The following CSNK2A1 variants were observed in gnomAD, a reference collection of about 807,000 sequenced individuals.
The protein encoded by CSNK2A1 is casein kinase II subunit alpha.
A neutral mutation model predicts 62.9 loss-of-function variants in CSNK2A1; 10 were observed. The observed-to-expected ratio is 0.16, with a 90% CI of 0.10 to 0.27. The LOEUF is 0.27. CSNK2A1 is among the 10% of genes least tolerant of loss of function. CSNK2A1 has a pLI of 1.00. For synonymous variants in CSNK2A1, 124 were observed against 167.8 expected (o/e 0.74, Z 2.02); for missense variants, 160 against 492.0 (o/e 0.33, Z 6.38).
chr20:477,856 T>C lies in CSNK2A1; in HGVS notation c.*6105A>G, dbSNP rs1276249646. 1 of 151,564 alleles carries C rather than the reference T, an allele frequency of 6.6e-6. No individual in the cohort carries two copies. Among genetic ancestry groups the C allele is most frequent in the Admixed American group, 6.6e-5 (1 of 15,262 alleles). 9.4% of individuals were successfully genotyped at this position (151,564 alleles called of 1,614,324 possible). A position where few individuals can be genotyped will look rare whatever the true frequency, so the allele number is the denominator to read the frequency against. The stretch of plus-strand genomic sequence containing the variant: ...AAAATACAAAATTAGCTGGGCGTGG[T>C]GGTGCATGTAATCCCATGCCTGTCT... On this transcript the variant is annotated 3_prime_UTR_variant, in exon 14 of 14. Coordinates refer to ENST00000217244, the MANE Select transcript of CSNK2A1 (RefSeq NM_177559.3).
intron 3 of CSNK2A1, chr20:506,011 G>T (rs1326687661): frequency 6.6e-6 from 1 of 151,682 alleles, no homozygotes; most frequent in Non-Finnish European, 1.5e-5. Context: ...TAGTAGCTGG[G>T]ACTACAGGCG....
rs1600359457 is a variant in CSNK2A1, at chr20:478,671, C to G, written c.*5290G>C. On this transcript the variant is annotated 3_prime_UTR_variant, in exon 14 of 14. Coordinates refer to ENST00000217244, the MANE Select transcript of CSNK2A1 (RefSeq NM_177559.3). The stretch of plus-strand genomic sequence containing the variant: ...GGGCCAGGTGTGGTGGCTCATGCCT[C>G]TAATCTCAGCACTTTGGGAGGCCAA... 2.3e-6 allele frequency: 1 copy of G among 428,638 alleles called. No individual in the cohort carries two copies. Among genetic ancestry groups the G allele is most frequent in the Non-Finnish European group, 4.6e-6 (1 of 215,432 alleles). 26.6% of individuals were successfully genotyped at this position (428,638 alleles called of 1,614,324 possible).
intron 1 of CSNK2A1, chr20:539,661 G>A (rs184791205): frequency 1.3e-5 from 2 of 152,256 alleles, no homozygotes; most frequent in East Asian, 3.9e-4. Context: ...TCGTAGGGGA[G>A]CCATTCTGCT....
In CSNK2A1 at chr20:482,256, C is replaced by G. The variant is rs553410013; in HGVS notation, c.*1705G>C. 1 of 152,260 alleles carries G rather than the reference C, an allele frequency of 6.6e-6. No homozygotes were observed. The highest frequency in any genetic ancestry group is 2.1e-4 in the South Asian group (1 of 4,828). The allele number at this position is 152,260 out of a possible 1,614,324, so 9.4% of individuals were successfully genotyped here. A position where few individuals can be genotyped will look rare whatever the true frequency, so the allele number is the denominator to read the frequency against. Reference sequence around the variant, plus strand: ...CTTAAAATATGTTGGAAGAATTTTTCCTAGTTCCCACAAGCAGCTACTGTA... The same window carrying G: ...CTTAAAATATGTTGGAAGAATTTTTGCTAGTTCCCACAAGCAGCTACTGTA... On this transcript the variant is annotated 3_prime_UTR_variant, in exon 14 of 14. Coordinates refer to ENST00000217244, the MANE Select transcript of CSNK2A1 (RefSeq NM_177559.3).
intron 1 of CSNK2A1, among the ~76,000 whole-genome samples, chr20:541,492 A>C (rs991827846): frequency 1.3e-5 from 2 of 152,238 alleles, no homozygotes; most frequent in Non-Finnish European, 2.9e-5. Context: ...TAAAGTATAT[A>C]TACATACATA....
chr20:508,855 A>G (rs557618088), intron 2 of CSNK2A1, among the ~76,000 whole-genome samples, 195 bp from the exon 3 acceptor site: 1 of 152,262 alleles, frequency 6.6e-6, no homozygotes, highest in South Asian at 2.1e-4. Flanking sequence ...CAGTAAACTG[A>G]TATTTGCTTT....
chr20:489,584 A>G, intron 10 of CSNK2A1, 196 bp downstream of exon 10: 2 of 446,774 alleles, frequency 4.5e-6, no homozygotes, highest in Non-Finnish European at 7.9e-6. Context: ...ATTCTTCACA[A>G]TAAAATAAGC....
intron 2 of CSNK2A1, among the ~76,000 whole-genome samples, chr20:517,172 GA>G (rs1342366174): frequency 2.6e-5 from 4 of 152,222 alleles, no homozygotes; most frequent in African/African-American, 9.6e-5. Context: ...GAAGCAAAGA[GA>G]AAAATTCAGT....
At chr20:484,945 T>C (rs1172541586) in intron 13 of CSNK2A1, among the ~76,000 whole-genome samples, 1 of 148,602 alleles carries the variant, frequency 6.7e-6, no homozygotes, top group African/African-American at 2.5e-5. Context: ...CGGGCGCCTG[T>C]AGTCCCAGCT....
At chr20:541,313 G>C (rs2019444094) in intron 1 of CSNK2A1, among the ~76,000 whole-genome samples, 1 of 152,116 alleles carries the variant, frequency 6.6e-6, no homozygotes, top group East Asian at 1.9e-4. Context: ...ACACAGGATA[G>C]CTACAGATTC....
intron 9 of CSNK2A1, among the ~76,000 whole-genome samples, chr20:490,337 T>TTTTTTC (rs1555762295): frequency 1.4e-4 from 18 of 132,354 alleles, no homozygotes; most frequent in East Asian, 1.2e-3. Context: ...AGTTTTTTCT[T>TTTTTTC]TTTTTTTTTT....
rs552733044 is a variant in CSNK2A1, at chr20:534,268, T to C, written c.-226-6219A>G. 2.0e-5 allele frequency among the ~76,000 whole-genome samples: 3 copies of C among 152,338 alleles called. No individual in the cohort carries two copies. The South Asian group carries it at 6.2e-4, about 32-fold the overall frequency. ...TTTCACTAAATTTAATACTATTTCCTTAGTTCTCCAAACTGATTTATTAAC... is the reference window on the plus strand; with the variant it reads ...TTTCACTAAATTTAATACTATTTCCCTAGTTCTCCAAACTGATTTATTAAC... On this transcript the variant is annotated intron_variant, in intron 1 of 13. Coordinates refer to ENST00000217244, the MANE Select transcript of CSNK2A1 (RefSeq NM_177559.3).
chr20:505,604 C>T lies in CSNK2A1; in HGVS notation c.102-375G>A, dbSNP rs182219061. On this transcript the variant is annotated intron_variant, in intron 3 of 13. Coordinates refer to ENST00000217244, the MANE Select transcript of CSNK2A1 (RefSeq NM_177559.3). The stretch of plus-strand genomic sequence containing the variant: ...GTCTCGATCTCCTGACCTCGTGATT[C>T]GTCCGCCTCGGCCTCCCAAAGTGCT... 5.0e-4 allele frequency among the ~76,000 whole-genome samples: 76 copies of T among 151,298 alleles called. No individual in the cohort carries two copies. In the East Asian group the frequency reaches 9.2e-3, roughly 18 times the overall value.
rs542061630 is a variant in CSNK2A1 at position 512,466 on chromosome 20, G to A, written c.-109-3806C>T. Reference sequence around the variant, plus strand: ...CTTACAAGCTGCTCATCTTTCCAAGGTAAGCTGTAACTTAGCTACCACACC... The same window carrying A: ...CTTACAAGCTGCTCATCTTTCCAAGATAAGCTGTAACTTAGCTACCACACC... On this transcript the variant is annotated intron_variant, in intron 2 of 13. Transcript: ENST00000217244. Among the ~76,000 whole-genome samples, 5 of 152,190 alleles carry A rather than the reference G, an allele frequency of 3.3e-5. No homozygotes were observed. In the South Asian group the frequency reaches 6.2e-4, roughly 19 times the overall value.
chr20:520,827 T>C (rs773760428), intron 2 of CSNK2A1, among the ~76,000 whole-genome samples: 51 of 152,304 alleles, frequency 3.3e-4, no homozygotes, highest in Admixed American at 2.0e-3. Flanking sequence ...GAGATCAATA[T>C]GCAAAATCAT....
intron 3 of CSNK2A1, chr20:506,050 G>A (rs1040650797): frequency 2.0e-5 from 3 of 151,384 alleles, no homozygotes; most frequent in Non-Finnish European, 4.4e-5. Context: ...TAATTTTTTT[G>A]TATTTTTAGT....
At chr20:523,932 G>T (rs2019008539) in intron 2 of CSNK2A1, among the ~76,000 whole-genome samples, 1 of 151,302 alleles carries the variant, frequency 6.6e-6, no homozygotes, top group South Asian at 2.1e-4. Flanking sequence ...GGGGTGGGAG[G>T]CTAGGTATGT....
chr20:479,283 T>C lies in CSNK2A1; in HGVS notation c.*4678A>G, dbSNP rs902024780. On this transcript the variant is annotated 3_prime_UTR_variant, in exon 14 of 14. Coordinates refer to ENST00000217244, the MANE Select transcript of CSNK2A1 (RefSeq NM_177559.3). Reference sequence around the variant, plus strand: ...ACCAACATTTGGTGTAACTCTACCATATACCAGGCATCTGTCATAGAATCT... The same window carrying C: ...ACCAACATTTGGTGTAACTCTACCACATACCAGGCATCTGTCATAGAATCT... 4.6e-5 allele frequency: 7 copies of C among 152,186 alleles called. No individual in the cohort carries two copies. The highest frequency in any genetic ancestry group is 1.4e-4 in the African/African-American group (6 of 41,428). 9.4% of individuals were successfully genotyped at this position (152,186 alleles called of 1,614,324 possible).
At chr20:507,087 C>G (rs2018618907) in intron 3 of CSNK2A1, 1 of 152,100 alleles carries the variant, frequency 6.6e-6, no homozygotes, top group Non-Finnish European at 1.5e-5. Context: ...AATGTATTTA[C>G]TGTTAAGAAT....
Sources: allele counts gnomAD v4.1 joint callset (sites outside exome capture counted in the v4.1 genomes callset), GRCh38; gene constraint gnomAD v4.1.1; transcripts MANE v1.5; gene names NCBI Gene and HGNC (gene_info 2026-07-23, HGNC 2026-07-21).